THSD7B: variants seen among roughly 807,000 people sequenced by gnomAD.
THSD7B encodes the protein thrombospondin type 1 domain containing 7B.
In THSD7B, 138 loss-of-function variants were observed where a neutral mutation model predicts 213.6. That is an observed-to-expected ratio of 0.65 (90% CI 0.56 to 0.74). The LOEUF (loss-of-function observed/expected upper bound fraction) is 0.74. Among genes scored for constraint, THSD7B ranks in the 30% least tolerant of loss-of-function variants. The pLI is 0.00. For missense variants in THSD7B, 1,931 were observed against 1,991.5 expected, an observed-to-expected ratio of 0.97 and a Z score of 0.58; for synonymous variants, 742 against 687.0, an observed-to-expected ratio of 1.08 and a Z score of -1.25.
chr2:137,146,408 G>A (rs76507732), intron 5 of THSD7B, among the ~76,000 whole-genome samples: 1,558 of 152,164 alleles, frequency 0.01, 23 homozygotes, highest in African/African-American at 0.033. Flanking sequence ...GGGAAAACTA[G>A]TATCACACTC....
chr2:136,861,239 G>C (rs1445528778), intron 1 of THSD7B, among the ~76,000 whole-genome samples: 1 of 152,178 alleles, frequency 6.6e-6, no homozygotes, highest in Non-Finnish European at 1.5e-5. Context: ...TGAGGCAAAA[G>C]TCTCATTTTA....
intron 14 of THSD7B, among the ~76,000 whole-genome samples, chr2:137,438,431 A>G (rs1354517812): frequency 6.6e-6 from 1 of 152,128 alleles, no homozygotes; most frequent in Non-Finnish European, 1.5e-5. Context: ...TTTCTATAAA[A>G]GTCTAGATAG....
chr2:137,404,849 TTGG>T (rs1686473724), intron 12 of THSD7B, among the ~76,000 whole-genome samples: 1 of 151,920 alleles, frequency 6.6e-6, no homozygotes, highest in African/African-American at 2.4e-5. Context: ...CTTTGGGGAC[TTGG>T]TGGGAACAGT....
At chr2:136,975,885 T>C (rs1685472436) in intron 2 of THSD7B, among the ~76,000 whole-genome samples, 1 of 152,216 alleles carries the variant, frequency 6.6e-6, no homozygotes, top group South Asian at 2.1e-4. Flanking sequence ...CTAGTTCTCC[T>C]TGAAGAGGTC....
At chr2:136,996,855 ACT>A (rs1685902027) in intron 2 of THSD7B, among the ~76,000 whole-genome samples, 1 of 152,080 alleles carries the variant, frequency 6.6e-6, no homozygotes, top group Non-Finnish European at 1.5e-5. Context: ...GAAATATTGC[ACT>A]CTCTCTGATG....
intron 3 of THSD7B, among the ~76,000 whole-genome samples, chr2:137,065,827 A>G (rs933921218): frequency 2.6e-4 from 39 of 152,270 alleles, no homozygotes; most frequent in African/African-American, 8.9e-4. Flanking sequence ...ATAACGGAGT[A>G]TTCTGAATTG....
At chr2:137,153,193 T>C (rs1679850677) in intron 5 of THSD7B, among the ~76,000 whole-genome samples, 1 of 152,188 alleles carries the variant, frequency 6.6e-6, no homozygotes, top group Non-Finnish European at 1.5e-5. Flanking sequence ...TTTCTAAAAT[T>C]ATATATGTGC....
intron 1 of THSD7B, among the ~76,000 whole-genome samples, chr2:136,812,533 A>G (rs554863614): frequency 3.3e-5 from 5 of 152,346 alleles, no homozygotes; most frequent in African/African-American, 1.2e-4. Flanking sequence ...TAGTAATAAT[A>G]AGAACTACTA....
intron 2 of THSD7B, among the ~76,000 whole-genome samples, chr2:136,994,718 A>G (rs745782692): frequency 3.9e-5 from 6 of 152,248 alleles, no homozygotes; most frequent in Non-Finnish European, 5.9e-5. Flanking sequence ...TTACACGTAT[A>G]TGTACAACAA....
intron 2 of THSD7B, among the ~76,000 whole-genome samples, chr2:136,996,331 C>CT (rs1158818186): frequency 1.3e-5 from 2 of 151,906 alleles, no homozygotes; most frequent in Non-Finnish European, 1.5e-5. Context: ...CTTTCTTTTT[C>CT]TTTTTTTCTT....
intron 15 of THSD7B, among the ~76,000 whole-genome samples, chr2:137,511,072 G>C (rs947145065): frequency 7.2e-5 from 11 of 152,120 alleles, no homozygotes; most frequent in African/African-American, 2.7e-4. Context: ...ATGCTTAATA[G>C]TGTGTCACAG....
At chr2:136,769,130 A>T (rs1418594920) in intron 1 of THSD7B, among the ~76,000 whole-genome samples, 1 of 152,146 alleles carries the variant, frequency 6.6e-6, no homozygotes, top group Non-Finnish European at 1.5e-5. Flanking sequence ...TAGGATGTTC[A>T]TGGGTGGTTA....
In THSD7B at chr2:137,325,433, C is replaced by T. The variant is rs1424175413; in HGVS notation, c.2500+49407C>T. 2.6e-5 allele frequency among the ~76,000 whole-genome samples: 4 copies of T among 152,264 alleles called. No homozygotes were observed. The East Asian group carries it at 7.7e-4, about 29-fold the overall frequency. On this transcript the variant is annotated intron_variant, in intron 12 of 27. Transcript: ENST00000409968. ...ATCACACAGGAAACCTGGTGGTGGG[C>T]TTCGCTGGACCTGCACCCTTTCATG...
In THSD7B at chr2:136,890,760, C is replaced by T. The variant is rs187044471; in HGVS notation, c.139+8443C>T. Among the ~76,000 whole-genome samples, 434 of 151,072 alleles carry T rather than the reference C, an allele frequency of 2.9e-3. 11 individuals carry two copies. In the East Asian group the frequency reaches 0.07, roughly 24 times the overall value. On this transcript the variant is annotated intron_variant, in intron 2 of 27. Transcript: ENST00000409968. ...TTCACAATGTTGGCCAGGCTGGTCT[C>T]GAACTCCTGACCTCAGGTGATCCAC...
chr2:136,925,105 A>G (rs1684501846), intron 2 of THSD7B, among the ~76,000 whole-genome samples: 2 of 152,114 alleles, frequency 1.3e-5, no homozygotes, highest in Admixed American at 6.6e-5. Flanking sequence ...CACACACACA[A>G]TGAGGTCATC....
Position 137,485,255 on chromosome 2 carries a change from C to T in THSD7B, c.3138+34232C>T, listed in dbSNP as rs1301872787. 2.8e-5 allele frequency among the ~76,000 whole-genome samples: 4 copies of T among 142,656 alleles called. No homozygotes were observed. In the Admixed American group the frequency reaches 2.9e-4, roughly 10 times the overall value. 93.6% of individuals were successfully genotyped at this position (142,656 alleles called of 152,430 possible). ...TTCTACATATGGCTAGCCAGTTTTC[C>T]CAGCACCATTTATTAAATAGGGAAT... On this transcript the variant is annotated intron_variant, in intron 15 of 27. Transcript: ENST00000409968.
intron 2 of THSD7B, among the ~76,000 whole-genome samples, chr2:136,913,691 C>T (rs906889806): frequency 1.3e-5 from 2 of 152,208 alleles, no homozygotes; most frequent in Non-Finnish European, 2.9e-5. Context: ...AAGCCCCAAA[C>T]CTTGGCAACT....
At chr2:136,878,436 A>G (rs1683559883) in intron 1 of THSD7B, among the ~76,000 whole-genome samples, 1 of 152,182 alleles carries the variant, frequency 6.6e-6, no homozygotes, top group South Asian at 2.1e-4. Context: ...TATATCCAGT[A>G]ATGGGATGGC....
intron 6 of THSD7B, among the ~76,000 whole-genome samples, chr2:137,165,430 G>T (rs1332927004): frequency 6.6e-6 from 1 of 152,126 alleles, no homozygotes; most frequent in African/African-American, 2.4e-5. Context: ...ATCCAAGCAT[G>T]TTATGATGAC....
Sources: allele counts gnomAD v4.1 joint callset (sites outside exome capture counted in the v4.1 genomes callset), GRCh38; gene constraint gnomAD v4.1.1; transcripts MANE v1.5; gene names NCBI Gene and HGNC (gene_info 2026-07-23, HGNC 2026-07-21).